FAM184A: variants seen among roughly 807,000 people sequenced by gnomAD.
FAM184A encodes family with sequence similarity 184 member A, also known as protein FAM184A.
In FAM184A, 99 loss-of-function variants were observed where a neutral mutation model predicts 143.8. That is an observed-to-expected ratio of 0.69 (90% CI 0.58 to 0.81). FAM184A has a LOEUF of 0.81. Among genes scored for constraint, FAM184A ranks in the 40% least tolerant of loss-of-function variants. The probability of loss-of-function intolerance (pLI) is 0.00; values close to 1 mark genes in which losing one functional copy is unlikely to be tolerated. For missense variants in FAM184A, 1,217 were observed against 1,310.5 expected (o/e 0.93, Z 1.10); for synonymous variants, 427 against 446.4 (o/e 0.96, Z 0.55).
At chr6:119,051,592 G>C (rs1408947445) in intron 1 of FAM184A, among the ~76,000 whole-genome samples, 1 of 152,046 alleles carries the variant, frequency 6.6e-6, no homozygotes, top group African/African-American at 2.4e-5. Flanking sequence ...TCATTGACAT[G>C]CTTATTTCAT....
At position 119,020,805 on chromosome 6, in the gene FAM184A, C is replaced by T. The variant is rs1168680053; in HGVS notation, c.1151-646G>A. Reference sequence around the variant, plus strand: ...CAGTGAGCTATGACTGCACCTGTAACAGCCACTGCACTATGTCCTGCAACA... The same window carrying T: ...CAGTGAGCTATGACTGCACCTGTAATAGCCACTGCACTATGTCCTGCAACA... On this transcript the variant is annotated intron_variant, in intron 3 of 17. Coordinates refer to ENST00000338891, the MANE Select transcript of FAM184A (RefSeq NM_024581.6). 5.3e-5 allele frequency among the ~76,000 whole-genome samples: 8 copies of T among 152,212 alleles called. No homozygotes were observed. The East Asian group carries it at 1.5e-3, about 29-fold the overall frequency.
intron 1 of FAM184A, chr6:119,148,948 G>C (rs1324557917): frequency 1.3e-5 from 2 of 152,040 alleles, no homozygotes; most frequent in Admixed American, 6.6e-5. Context: ...TCTTCAGCAC[G>C]CATCCCACCG....
intron 1 of FAM184A, among the ~76,000 whole-genome samples, chr6:119,147,819 C>T (rs1772502362): frequency 6.6e-6 from 1 of 152,198 alleles, no homozygotes; most frequent in Non-Finnish European, 1.5e-5. Flanking sequence ...CCTAACCAAT[C>T]ACACAGTGTG....
At chr6:118,999,013 T>C (rs1784660226) in intron 9 of FAM184A, among the ~76,000 whole-genome samples, 1 of 152,166 alleles carries the variant, frequency 6.6e-6, no homozygotes, top group Non-Finnish European at 1.5e-5. Context: ...AGGAAAGAAC[T>C]ACAAGTGTCC....
At chr6:119,122,764 A>G (rs1182207692) in intron 1 of FAM184A, among the ~76,000 whole-genome samples, 1 of 151,774 alleles carries the variant, frequency 6.6e-6, no homozygotes, top group Non-Finnish European at 1.5e-5. Context: ...TCTACAAAAA[A>G]TACAAAAATT....
Position 119,018,487 on chromosome 6 carries a change from T to A in FAM184A, c.1332+1491A>T, listed in dbSNP as rs534872567. Among the ~76,000 whole-genome samples, 28 of 152,312 alleles carry A rather than the reference T, an allele frequency of 1.8e-4. No individual in the cohort carries two copies. In the South Asian group the frequency reaches 5.4e-3, roughly 29 times the overall value. On this transcript the variant is annotated intron_variant, in intron 4 of 17. Coordinates refer to ENST00000338891, the MANE Select transcript of FAM184A (RefSeq NM_024581.6). ...AGTCTGTGCAGCTAAGCAGTCTGGA[T>A]AGAATACAGGATACAAGGTGATAAA...
chr6:119,136,255 G>T (rs908267320), intron 1 of FAM184A, among the ~76,000 whole-genome samples: 1 of 140,414 alleles, frequency 7.1e-6, no homozygotes, highest in East Asian at 2.0e-4. Flanking sequence ...TCCGCAGTCC[G>T]GCCTGGGCGA....
chr6:119,114,194 C>G (rs1273656644), intron 1 of FAM184A, among the ~76,000 whole-genome samples: 2 of 152,200 alleles, frequency 1.3e-5, no homozygotes, highest in Non-Finnish European at 2.9e-5. Flanking sequence ...TATTATCTCT[C>G]ATTCACAGAA....
chr6:119,094,218 C>T (rs1788447917), intron 1 of FAM184A, among the ~76,000 whole-genome samples: 1 of 152,012 alleles, frequency 6.6e-6, no homozygotes, highest in Non-Finnish European at 1.5e-5. Context: ...ATTACAGGAG[C>T]AAGCCACTGT....
In FAM184A at chr6:119,117,211, G is replaced by A. The variant is rs377689878; in HGVS notation, c.-202+31867C>T. On this transcript the variant is annotated intron_variant, in intron 1 of 16. Coordinates refer to the FAM184A transcript ENST00000352896. ...GATCATTTTGTGTGTAAGGGTGAGA[G>A]AGAGTGAGAAACAAACTCTTGGGAT... 5.3e-5 allele frequency among the ~76,000 whole-genome samples: 8 copies of A among 152,192 alleles called. No individual in the cohort carries two copies. The East Asian group carries it at 1.5e-3, about 29-fold the overall frequency.
At chr6:118,997,322 C>T (rs1318454453) in intron 9 of FAM184A, among the ~76,000 whole-genome samples, 1 of 62,626 alleles carries the variant, frequency 1.6e-5, no homozygotes, top group Non-Finnish European at 3.4e-5. Flanking sequence ...GAAACTCCAT[C>T]TCAAAAAAAA....
intron 5 of FAM184A, among the ~76,000 whole-genome samples, chr6:119,015,421 G>A (rs563910049): frequency 7.9e-4 from 120 of 152,302 alleles, no homozygotes; most frequent in Non-Finnish European, 1.2e-3. Flanking sequence ...CACTCAGAGC[G>A]GCCGGCCGGC....
intron 12 of FAM184A, among the ~76,000 whole-genome samples, chr6:118,975,519 A>G (rs1202804527): frequency 1.3e-5 from 2 of 152,252 alleles, no homozygotes; most frequent in African/African-American, 4.8e-5. Context: ...AGTTGAGATT[A>G]GAACACAGTG....
rs372999048 is a variant in FAM184A at position 119,006,162 on chromosome 6, T to C, written c.1815+285A>G. The stretch of plus-strand genomic sequence containing the variant: ...TATGTTGCCGAATGCCAAGAATGCC[T>C]GGTGCTACCAGAAGCTGGAAAATAC... On this transcript the variant is annotated intron_variant, in intron 7 of 17. Coordinates refer to ENST00000338891, the MANE Select transcript of FAM184A (RefSeq NM_024581.6). 1.1e-4 allele frequency: 81 copies of C among 765,254 alleles called. No individual in the cohort carries two copies. In the African/African-American group the frequency reaches 1.2e-3, roughly 12 times the overall value. The allele number at this position is 765,254 out of a possible 1,614,324, so 47.4% of individuals were successfully genotyped here. A position where few individuals can be genotyped will look rare whatever the true frequency, so the allele number is the denominator to read the frequency against.
At chr6:118,997,754 T>C (rs546155462) in intron 9 of FAM184A, among the ~76,000 whole-genome samples, 1 of 152,210 alleles carries the variant, frequency 6.6e-6, no homozygotes, top group South Asian at 2.1e-4. Flanking sequence ...ATGCCAAATT[T>C]AGTCAATATT....
chr6:119,042,443 T>C (rs970150112), intron 1 of FAM184A, among the ~76,000 whole-genome samples: 76 of 149,268 alleles, frequency 5.1e-4, no homozygotes, highest in Middle Eastern at 3.4e-3. Context: ...TAAACTTCCA[T>C]TCTTAGTCTG....
chr6:119,031,521 A>G (rs1474463750), intron 1 of FAM184A: 2 of 152,232 alleles, frequency 1.3e-5, no homozygotes, highest in Non-Finnish European at 2.9e-5. Flanking sequence ...TGTAAGAAAT[A>G]AATTTTTATT....
At chr6:119,114,951 C>T (rs1582628950) in intron 1 of FAM184A, among the ~76,000 whole-genome samples, 1 of 152,228 alleles carries the variant, frequency 6.6e-6, no homozygotes, top group South Asian at 2.1e-4. Context: ...ACCTCTTGGA[C>T]TCAAGCAATC....
At chr6:118,986,669 A>C (rs1478204925) in intron 9 of FAM184A, among the ~76,000 whole-genome samples, 2 of 152,220 alleles carry the variant, frequency 1.3e-5, no homozygotes, top group Non-Finnish European at 2.9e-5. Context: ...AATTTCAATA[A>C]GGTGGTTTTT....
Sources: allele counts gnomAD v4.1 joint callset (sites outside exome capture counted in the v4.1 genomes callset), GRCh38; gene constraint gnomAD v4.1.1; transcripts MANE v1.5; gene names NCBI Gene and HGNC (gene_info 2026-07-23, HGNC 2026-07-21).